Variants in IKZF5 observed in about 807,000 individuals in gnomAD.
IKZF5 encodes IKAROS family zinc finger 5, also known as zinc finger protein Pegasus.
A neutral mutation model predicts 30.7 loss-of-function variants in IKZF5; 4 were observed. The ratio of observed to expected loss-of-function variants is 0.13; its 90% CI spans 0.06 to 0.30. IKZF5 has a LOEUF of 0.30. IKZF5 is among the 10% of genes least tolerant of loss of function. The pLI is 1.00. For synonymous variants in IKZF5, 148 were observed against 179.6 expected, an observed-to-expected ratio of 0.82 and a Z score of 1.41; for missense variants, 348 against 525.5, an observed-to-expected ratio of 0.66 and a Z score of 3.30.
chr10:122,998,977 A>C (rs1449364845), intron 2 of IKZF5, among the ~76,000 whole-genome samples: 2 of 152,214 alleles, frequency 1.3e-5, no homozygotes, highest in African/African-American at 2.4e-5. Flanking sequence ...TTGATGAAGA[A>C]GACAAGAAAC....
chr10:123,002,607 G>C (rs1849630469), intron 2 of IKZF5, among the ~76,000 whole-genome samples: 1 of 151,490 alleles, frequency 6.6e-6, no homozygotes, highest in Non-Finnish European at 1.5e-5. Context: ...GGCAGGTCAC[G>C]AGGTCAGGAG....
chr10:122,997,500 A>G (rs2133389959), intron 3 of IKZF5: 1 of 152,318 alleles, frequency 6.6e-6, no homozygotes, highest in Middle Eastern at 3.4e-3. Flanking sequence ...TTATTAAAAC[A>G]CAGATTATAA....
chr10:123,008,072 C>G (rs1224200468), intron 1 of IKZF5, among the ~76,000 whole-genome samples: 1 of 152,158 alleles, frequency 6.6e-6, no homozygotes, highest in Non-Finnish European at 1.5e-5. Context: ...ACAGTTTATC[C>G]AAAGATCTAA....
intron 1 of IKZF5, 100 bp downstream of exon 1, chr10:123,008,594 G>A: frequency 3.5e-6 from 1 of 289,852 alleles, no homozygotes; most frequent in African/African-American, 2.2e-5. Context: ...GTCCGGATCA[G>A]CCGGCCCGCC....
Position 122,992,982 on chromosome 10 carries a change from G to T in IKZF5, c.*798C>A, listed in dbSNP as rs1382258080. Reference sequence around the variant, plus strand: ...CATCAAAGGAATAGGAAGAATAAGAGATTCTCATTATAGTTATCCACCTCA... The same window carrying T: ...CATCAAAGGAATAGGAAGAATAAGATATTCTCATTATAGTTATCCACCTCA... On this transcript the variant is annotated 3_prime_UTR_variant, in exon 5 of 5. Transcript: ENST00000368886. The T allele has an allele frequency of 6.6e-6, 1 of 152,578 alleles. No individual in the cohort carries two copies. The highest frequency in any genetic ancestry group is 1.5e-5 in the Non-Finnish European group (1 of 68,002). 9.5% of individuals were successfully genotyped at this position (152,578 alleles called of 1,614,324 possible). A position where few individuals can be genotyped will look rare whatever the true frequency, so the allele number is the denominator to read the frequency against.
At chr10:122,996,266 A>ATT in intron 3 of IKZF5, 90 bp from the exon 4 acceptor site, 1 of 1,114,958 alleles carries the variant, frequency 9.0e-7, no homozygotes, top group Non-Finnish European at 1.3e-6. Context: ...AATCTTATAA[A>ATT]TTGACAGTTC....
At chr10:123,004,106 T>C (rs1028125135) in intron 2 of IKZF5, among the ~76,000 whole-genome samples, 3 of 152,178 alleles carry the variant, frequency 2.0e-5, no homozygotes, top group South Asian at 4.1e-4. Context: ...GGTGGGAAAA[T>C]GTAAGCTAGT....
rs2133369402 is a variant in IKZF5 at position 122,991,817 on chromosome 10, T to C, written c.*1963A>G. The C allele has an allele frequency of 6.6e-6, 1 of 152,290 alleles. No homozygotes were observed. The highest frequency in any genetic ancestry group is 1.9e-4 in the East Asian group (1 of 5,184). 9.4% of individuals were successfully genotyped at this position (152,290 alleles called of 1,614,324 possible). A position where few individuals can be genotyped will look rare whatever the true frequency, so the allele number is the denominator to read the frequency against. On this transcript the variant is annotated 3_prime_UTR_variant, in exon 5 of 5. Transcript: ENST00000368886. Reference sequence around the variant, plus strand: ...AAATGCACCTTCACAACATCCATGGTCAGTTGTTAGAAAAAAATGCATTTG... The same window carrying C: ...AAATGCACCTTCACAACATCCATGGCCAGTTGTTAGAAAAAAATGCATTTG...
chr10:123,001,009 CTTTTCT>C (rs201995500), intron 2 of IKZF5, among the ~76,000 whole-genome samples: 1 of 149,296 alleles, frequency 6.7e-6, no homozygotes, highest in African/African-American at 2.5e-5. Flanking sequence ...CTCTTCTTTT[CTTTTCT>C]TTTTTTTTTT....
At chr10:123,007,558 G>C (rs1849845792) in intron 1 of IKZF5, among the ~76,000 whole-genome samples, 1 of 152,150 alleles carries the variant, frequency 6.6e-6, no homozygotes, top group South Asian at 2.1e-4. Context: ...ACAACGCATA[G>C]TCCTAAGTAG....
intron 2 of IKZF5, among the ~76,000 whole-genome samples, chr10:123,006,244 A>G (rs1849775951): frequency 1.3e-5 from 2 of 152,152 alleles, no homozygotes; most frequent in South Asian, 4.1e-4. Context: ...CTCTACCTCA[A>G]GTAGGTAATT....
At position 122,991,347 on chromosome 10, in the gene IKZF5, T is replaced by G. The variant is rs888111668; in HGVS notation, c.*2433A>C. The G allele has an allele frequency of 2.6e-5, 4 of 152,204 alleles. No homozygotes were observed. The highest frequency in any genetic ancestry group is 4.4e-5 in the Non-Finnish European group (3 of 68,022). The allele number at this position is 152,204 out of a possible 1,614,324, so 9.4% of individuals were successfully genotyped here. A position where few individuals can be genotyped will look rare whatever the true frequency, so the allele number is the denominator to read the frequency against. The stretch of plus-strand genomic sequence containing the variant: ...TCACAGTTTCTTAAAAAAATATTAG[T>G]GGAGATAAATTATCTACCAACTTTA... On this transcript the variant is annotated 3_prime_UTR_variant, in exon 5 of 5. Transcript: ENST00000368886.
At chr10:123,008,196 A>C (rs1230250696) in intron 1 of IKZF5, among the ~76,000 whole-genome samples, 1 of 152,178 alleles carries the variant, frequency 6.6e-6, no homozygotes, top group African/African-American at 2.4e-5. Flanking sequence ...TCATTAGATA[A>C]AATACGAAGG....
rs189378190 is a variant in IKZF5 at position 123,007,398 on chromosome 10, T to C, written c.-197-222A>G. ...AATAACTGGTGTGACTACCGTTTTC[T>C]CACTGGTGGATTAGTTTTTGGCAAG... On this transcript the variant is annotated intron_variant, in intron 1 of 4. Transcript: ENST00000368886. Among the ~76,000 whole-genome samples, 271 of 152,314 alleles carry C rather than the reference T, an allele frequency of 1.8e-3. 2 individuals carry two copies. The highest frequency in any genetic ancestry group is 0.017 in the Admixed American group (260 of 15,302).
intron 3 of IKZF5, 41 bp from the exon 4 acceptor site, chr10:122,996,217 A>G (rs1426052178): frequency 6.5e-7 from 1 of 1,535,220 alleles, no homozygotes. Context: ...GCATCTCAGA[A>G]TCAACTCAAT....
intron 2 of IKZF5, among the ~76,000 whole-genome samples, chr10:123,001,754 C>G (rs1332975131): frequency 6.6e-6 from 1 of 152,106 alleles, no homozygotes; most frequent in African/African-American, 2.4e-5. Flanking sequence ...TAATTTAAGT[C>G]CCCCTGCTTT....
chr10:122,994,430 T>A lies in IKZF5; in HGVS notation c.610A>T (p.Met204Leu). ...RALINLSPPS[M>L]VVQKPDYLND... ...AGGTAGTCTGGTTTCTGAACCACCATGGAAGGTGGACTTAAGTTGATTAGT... is the reference window on the plus strand; with the variant it reads ...AGGTAGTCTGGTTTCTGAACCACCAAGGAAGGTGGACTTAAGTTGATTAGT... Residue 204 changes from methionine to leucine, a missense_variant, in exon 5 of 5, where the codon ATG (methionine) becomes TTG (leucine). Physicochemically the swap from Met to Leu is conservative, Grantham distance 15. Coordinates refer to ENST00000368886, the MANE Select transcript of IKZF5 (RefSeq NM_001372123.1). The surrounding 1 kb of genome is among the most constrained non-coding windows in gnomAD (Gnocchi z 5.6). 6 of 1,614,144 alleles carry A rather than the reference T, an allele frequency of 3.7e-6. No homozygotes were observed. Among genetic ancestry groups the A allele is most frequent in the Non-Finnish European group, 5.1e-6 (6 of 1,180,036 alleles).
rs1312845854 is a variant in IKZF5 at position 122,992,645 on chromosome 10, G to A, written c.*1135C>T. The A allele has an allele frequency of 6.6e-6, 1 of 152,084 alleles. No homozygotes were observed. Among genetic ancestry groups the A allele is most frequent in the Non-Finnish European group, 1.5e-5 (1 of 67,998 alleles). 9.4% of individuals were successfully genotyped at this position (152,084 alleles called of 1,614,324 possible). On this transcript the variant is annotated 3_prime_UTR_variant, in exon 5 of 5. Transcript: ENST00000368886. ...CCTTTTTATCCTTTCTTACTAAAGC[G>A]ATGATTTAGTTTCTACACAGTTTCG... is the stretch of plus-strand genomic sequence containing the variant.
rs542697287 is a variant in IKZF5, at chr10:122,995,128, C to A, written c.317-405G>T. ...ATATTCACACACACACATATGCATA[C>A]CCTTTGCTCACAGAAAAAAAAATAC... is the stretch of plus-strand genomic sequence containing the variant. On this transcript the variant is annotated intron_variant, in intron 4 of 4. Coordinates refer to ENST00000368886, the MANE Select transcript of IKZF5 (RefSeq NM_001372123.1). Among the ~76,000 whole-genome samples, 3 of 141,696 alleles carry A rather than the reference C, an allele frequency of 2.1e-5. No individual in the cohort carries two copies. The South Asian group carries it at 6.7e-4, about 32-fold the overall frequency. The allele number at this position is 141,696 out of a possible 152,430, so 93.0% of individuals were successfully genotyped here.
Sources: allele counts gnomAD v4.1 joint callset (sites outside exome capture counted in the v4.1 genomes callset), GRCh38; gene constraint gnomAD v4.1.1; non-coding constraint Gnocchi (gnomAD v3.1); transcripts MANE v1.5; gene names NCBI Gene and HGNC (gene_info 2026-07-23, HGNC 2026-07-21).